CCDC110: variants seen among roughly 807,000 people sequenced by gnomAD.
The protein encoded by CCDC110 is coiled-coil domain containing 110, also known as coiled-coil domain-containing protein 110.
CCDC110 carries 70 observed loss-of-function variants against 77.1 expected under a neutral mutation model. That is an observed-to-expected ratio of 0.91 (90% confidence interval 0.75 to 1.11). The LOEUF (loss-of-function observed/expected upper bound fraction) is 1.11, where lower values mean the gene tolerates loss of function less well. Among genes scored for constraint, CCDC110 ranks in the 50% least tolerant of loss-of-function variants. The pLI is 0.00. For synonymous variants in CCDC110, 295 were observed against 312.5 expected, an observed-to-expected ratio of 0.94 and a Z score of 0.59; for missense variants, 868 against 942.9, an observed-to-expected ratio of 0.92 and a Z score of 1.04.
chr4:185,470,794 A>G (rs2095664698), intron 2 of CCDC110, 151 bp downstream of exon 2: 1 of 738,984 alleles, frequency 1.4e-6, no homozygotes, highest in African/African-American at 1.7e-5. Flanking sequence ...TTACGTGCTT[A>G]GAACAGCACT....
At chr4:185,454,998 C>A (rs947196794) in intron 6 of CCDC110, among the ~76,000 whole-genome samples, 2 of 152,128 alleles carry the variant, frequency 1.3e-5, no homozygotes, top group African/African-American at 4.8e-5. Flanking sequence ...CCAGCCTCTG[C>A]CTAATATTCT....
rs1280140195 is a variant in CCDC110, at chr4:185,459,002, T to C, written c.1585A>G (p.Asn529Asp). 6.3e-7 allele frequency: 1 copy of C among 1,599,854 alleles called. No individual in the cohort carries two copies. The highest frequency in any genetic ancestry group is 8.5e-7 in the Non-Finnish European group (1 of 1,176,132). ...TGCTTCTCTAAAGAAAGTTGTATAT[T>C]TTTTTCCTCTAGAGTTTTATTTTGG... Reference protein sequence around the residue: ...QGQNKTLEEKNIQLSLEKQQM... With the variant: ...QGQNKTLEEKDIQLSLEKQQM... Residue 529 changes from asparagine (N) to aspartate (D), a missense_variant, in exon 6 of 7, where the codon AAT (asparagine) becomes GAT (aspartate). Transcript: ENST00000307588.
intron 4 of CCDC110, among the ~76,000 whole-genome samples, chr4:185,461,434 T>C (rs2095646232): frequency 6.6e-6 from 1 of 152,222 alleles, no homozygotes; most frequent in African/African-American, 2.4e-5. Flanking sequence ...ATTTTTACAT[T>C]GTTGAATAAG....
Position 185,458,925 on chromosome 4 carries a change from T to C in CCDC110, c.1662A>G (p.Gln554=), listed in dbSNP as rs1279505071. Residue 554 remains glutamine, a synonymous_variant, in exon 6 of 7, where the codon CAA becomes CAG. Coordinates refer to ENST00000307588, the MANE Select transcript of CCDC110 (RefSeq NM_152775.4). ...CATTATTTACAATGGCCATATCACT[T>C]TGAGTTTTGTGTTCCTTACTTTTTA... ...DQLKSKEHKT[Q]SDMAIVNNEN... 1 of 1,608,716 alleles carries C rather than the reference T, an allele frequency of 6.2e-7. No homozygotes were observed. Among genetic ancestry groups the C allele is most frequent in the East Asian group, 2.2e-5 (1 of 44,652 alleles).
intron 6 of CCDC110, among the ~76,000 whole-genome samples, chr4:185,447,654 A>T (rs2095617864): frequency 6.8e-6 from 1 of 147,594 alleles, no homozygotes; most frequent in Non-Finnish European, 1.5e-5. Flanking sequence ...TAAGCCATGT[A>T]TGCATCTCAT....
intron 3 of CCDC110, 62 bp from the exon 4 acceptor site, chr4:185,462,770 G>A: frequency 1.4e-6 from 2 of 1,410,740 alleles, no homozygotes; most frequent in Middle Eastern, 3.5e-4. Flanking sequence ...TTCTTGAATT[G>A]TTATGATTTT....
intron 3 of CCDC110, 65 bp from the exon 4 acceptor site, chr4:185,462,773 A>G: frequency 7.3e-7 from 1 of 1,374,600 alleles, no homozygotes; most frequent in Non-Finnish European, 1.0e-6. Flanking sequence ...TTGAATTGTT[A>G]TGATTTTATG....
chr4:185,450,660 C>T (rs1485046568), intron 6 of CCDC110, among the ~76,000 whole-genome samples: 1 of 150,314 alleles, frequency 6.7e-6, no homozygotes, highest in East Asian at 2.0e-4. Context: ...AAGAGAATCG[C>T]TTGAACCTGG....
At position 185,470,761 on chromosome 4, in the gene CCDC110, G is replaced by C. The variant is rs113588853; in HGVS notation, c.115+184C>G. 465 of 681,310 alleles carry C rather than the reference G, an allele frequency of 6.8e-4. 3 individuals carry two copies. Among genetic ancestry groups the C allele is most frequent in the African/African-American group, 5.7e-3 (322 of 56,718 alleles). 42.2% of individuals were successfully genotyped at this position (681,310 alleles called of 1,614,324 possible). On this transcript the variant is annotated intron_variant, in intron 2 of 6. Coordinates refer to ENST00000307588, the MANE Select transcript of CCDC110 (RefSeq NM_152775.4). The stretch of plus-strand genomic sequence containing the variant: ...GTAGCACCCACCTCGTAAAAGTGTT[G>C]TGAGAATTAAACAGTTGATCCATTA...
chr4:185,457,900 A>G, intron 6 of CCDC110: 1 of 813,070 alleles, frequency 1.2e-6, no homozygotes, highest in Non-Finnish European at 1.8e-6. Context: ...GCTCACTGCC[A>G]AACTTGGTTT....
intron 6 of CCDC110, among the ~76,000 whole-genome samples, chr4:185,447,488 A>G (rs1052371892): frequency 1.3e-5 from 2 of 151,972 alleles, no homozygotes; most frequent in African/African-American, 2.4e-5. Context: ...CCGATTTTAT[A>G]TTTTTTCAAA....
At position 185,470,952 on chromosome 4, in the gene CCDC110, A is replaced by T; in HGVS notation, c.108T>A (p.Ser36Arg). Residue 36 changes from serine to arginine, a missense_variant, in exon 2 of 7, where the codon AGT becomes AGA. By Grantham distance (110) the Ser-to-Arg change is moderately radical (BLOSUM62 -1). Transcript: ENST00000307588. ...SSEGVKESGC[S>R]DTEYGCIAES... ...ACGGTCTGGCGATTTTACCTGTGTC[A>T]CTGCAGCCACTTTCCTTCACCCCCT... The T allele has an allele frequency of 6.2e-7, 1 of 1,609,030 alleles. No individual in the cohort carries two copies. Among genetic ancestry groups the T allele is most frequent in the Non-Finnish European group, 8.5e-7 (1 of 1,176,906 alleles).
chr4:185,449,808 A>C (rs2095626069), intron 6 of CCDC110: 1 of 460,162 alleles, frequency 2.2e-6, no homozygotes, highest in African/African-American at 2.0e-5. Flanking sequence ...ACTAGTTAAT[A>C]AATAGTATTT....
chr4:185,452,659 C>A (rs1197346965), intron 6 of CCDC110, among the ~76,000 whole-genome samples: 1 of 152,000 alleles, frequency 6.6e-6, no homozygotes, highest in Non-Finnish European at 1.5e-5. Flanking sequence ...CTTTGGGAGG[C>A]CAAGATGGGT....
chr4:185,462,765 G>T, intron 3 of CCDC110, 57 bp from the exon 4 acceptor site: 5 of 1,415,186 alleles, frequency 3.5e-6, no homozygotes, highest in Non-Finnish European at 5.0e-6. Flanking sequence ...ACGTATTCTT[G>T]AATTGTTATG....
chr4:185,463,803 A>G (rs1281625757), intron 2 of CCDC110, among the ~76,000 whole-genome samples: 2 of 152,190 alleles, frequency 1.3e-5, no homozygotes, highest in African/African-American at 4.8e-5. Flanking sequence ...CCCTCTGGCC[A>G]TGGGGAACCA....
Position 185,459,503 on chromosome 4 carries a change from G to A in CCDC110, c.1084C>T (p.Pro362Ser). ...KKNEKNNKEI[P>S]ITGKNITDLK... ...TCTGTAATATTTTTGCCAGTGATGG[G>A]AATTTCTTTATTGTTTTTCTCATTT... Residue 362 changes from proline to serine, a missense_variant, in exon 6 of 7, where the codon CCC (proline) becomes TCC (serine). Physicochemically the swap from Pro to Ser is moderately conservative, Grantham distance 74. Coordinates refer to ENST00000307588, the MANE Select transcript of CCDC110 (RefSeq NM_152775.4). 1.9e-6 allele frequency: 3 copies of A among 1,613,442 alleles called. No individual in the cohort carries two copies. The highest frequency in any genetic ancestry group is 2.2e-5 in the South Asian group (2 of 91,020).
chr4:185,469,741 G>T lies in CCDC110; in HGVS notation c.115+1204C>A, dbSNP rs538298772. ...GTGTTGCTCATCCTGGTAGTGCCTGGGCACCCGGGTGTCTTCTGTCTACTG... is the reference window on the plus strand; with the variant it reads ...GTGTTGCTCATCCTGGTAGTGCCTGTGCACCCGGGTGTCTTCTGTCTACTG... On this transcript the variant is annotated intron_variant, in intron 2 of 6. Transcript: ENST00000307588. 1.2e-4 allele frequency among the ~76,000 whole-genome samples: 18 copies of T among 152,318 alleles called. No individual in the cohort carries two copies. The East Asian group carries it at 3.3e-3, about 28-fold the overall frequency.
Position 185,461,045 on chromosome 4 carries a change from A to T in CCDC110, c.348+4T>A, listed in dbSNP as rs2095645367. ...ATAGAAATGATTTCTGTAGAATAAC[A>T]TACCAAATCCTTTTCAATGCGCGTG... On this transcript the variant is annotated splice_donor_region_variant and intron_variant, in intron 5 of 6. Coordinates refer to ENST00000307588, the MANE Select transcript of CCDC110 (RefSeq NM_152775.4). The T allele has an allele frequency of 7.1e-7, 1 of 1,404,696 alleles. No individual in the cohort carries two copies. Among genetic ancestry groups the T allele is most frequent in the Admixed American group, 1.9e-5 (1 of 51,426 alleles). 87.0% of individuals were successfully genotyped at this position (1,404,696 alleles called of 1,614,324 possible).
Sources: gnomAD v4.1 joint callset for allele counts (sites outside exome capture counted in the v4.1 genomes callset) on GRCh38, gnomAD v4.1.1 for gene constraint, MANE v1.5 for transcripts, NCBI Gene and HGNC (gene_info 2026-07-23, HGNC 2026-07-21) for gene names.